Variants in MGAT4C observed in about 807,000 individuals in gnomAD.
MGAT4C encodes alpha-1,3-mannosyl-glycoprotein 4-beta-N-acetylglucosaminyltransferase C.
Under a neutral mutation model 40.1 loss-of-function variants are expected in MGAT4C, and 19 were observed. The observed-to-expected ratio is 0.47, with a 90% CI of 0.33 to 0.70. MGAT4C has a LOEUF of 0.70. Among genes scored for constraint, MGAT4C ranks in the 30% least tolerant of loss-of-function variants. The pLI, the probability that MGAT4C is intolerant of heterozygous loss-of-function variation, is 0.02. For missense variants in MGAT4C, 491 were observed against 563.2 expected (o/e 0.87, Z 1.30); for synonymous variants, 181 against 187.1 (o/e 0.97, Z 0.27).
At chr12:86,313,097 G>T (rs1052187675) in intron 4 of MGAT4C, among the ~76,000 whole-genome samples, 6 of 152,012 alleles carry the variant, frequency 3.9e-5, no homozygotes, top group Non-Finnish European at 7.4e-5. Flanking sequence ...TCAACAGTTA[G>T]CAAAAACATG....
chr12:86,121,657 G>A (rs542354584), intron 1 of MGAT4C, among the ~76,000 whole-genome samples: 2 of 152,160 alleles, frequency 1.3e-5, no homozygotes, highest in Non-Finnish European at 2.9e-5. Context: ...AGCTTCATAA[G>A]TGAAGGAGAA....
At chr12:86,405,483 A>C (rs1956446147) in intron 3 of MGAT4C, among the ~76,000 whole-genome samples, 1 of 152,026 alleles carries the variant, frequency 6.6e-6, no homozygotes, top group South Asian at 2.1e-4. Context: ...AAATAACTGA[A>C]GATCTAAAAA....
At chr12:86,460,079 T>G (rs1957574869) in intron 2 of MGAT4C, among the ~76,000 whole-genome samples, 1 of 152,022 alleles carries the variant, frequency 6.6e-6, no homozygotes, top group Admixed American at 6.6e-5. Flanking sequence ...GGCGTTGGTG[T>G]GATGGTGCCC....
chr12:86,658,088 A>T (rs1160302991), intron 2 of MGAT4C, among the ~76,000 whole-genome samples: 1 of 152,008 alleles, frequency 6.6e-6, no homozygotes. Flanking sequence ...GTTAAATGCT[A>T]TTAGGTCAAA....
chr12:86,736,913 G>A lies in MGAT4C; in HGVS notation c.-261-9672C>T, dbSNP rs1467514864. Among the ~76,000 whole-genome samples the A allele has an allele frequency of 5.4e-5, 8 of 148,776 alleles. No individual in the cohort carries two copies. The South Asian group carries it at 6.3e-4, about 12-fold the overall frequency. ...ACATAACCTTATCCCTTTCCTTCTC[G>A]TGGGCATTGCTCTAGTAATTTTCCC... On this transcript the variant is annotated intron_variant, in intron 1 of 7. Coordinates refer to the MGAT4C transcript ENST00000548651.
At chr12:86,015,942 T>G (rs146222460) in intron 2 of MGAT4C, 277 of 152,330 alleles carry the variant, frequency 1.8e-3, no homozygotes, top group African/African-American at 6.4e-3. Context: ...GCTACATTGC[T>G]TTCTCATGCA....
intron 1 of MGAT4C, among the ~76,000 whole-genome samples, chr12:86,189,180 A>G (rs140475740): frequency 2.4e-4 from 36 of 152,098 alleles, no homozygotes; most frequent in African/African-American, 8.4e-4. Flanking sequence ...CAAAGAGAAC[A>G]CTAGACTTCC....
At chr12:86,436,672 CCAAA>C (rs1230203335) in intron 2 of MGAT4C, among the ~76,000 whole-genome samples, 1 of 151,598 alleles carries the variant, frequency 6.6e-6, no homozygotes, top group African/African-American at 2.4e-5. Context: ...TCAGCTACAT[CCAAA>C]CAACGTTTTC....
chr12:86,655,968 G>T (rs989832010), intron 2 of MGAT4C, among the ~76,000 whole-genome samples: 1 of 152,022 alleles, frequency 6.6e-6, no homozygotes, highest in East Asian at 1.9e-4. Flanking sequence ...AGTTTATCTA[G>T]AATCCATACT....
intron 2 of MGAT4C, among the ~76,000 whole-genome samples, chr12:86,723,612 T>C (rs1188569161): frequency 1.3e-5 from 2 of 152,204 alleles, no homozygotes; most frequent in Non-Finnish European, 2.9e-5. Context: ...GGGCTCACTC[T>C]AGTGACCTCA....
At chr12:86,229,468 T>C (rs1003230183) in intron 1 of MGAT4C, among the ~76,000 whole-genome samples, 7 of 151,998 alleles carry the variant, frequency 4.6e-5, no homozygotes, top group Non-Finnish European at 8.8e-5. Flanking sequence ...AAAATTCAAA[T>C]TGGAAATTGG....
intron 2 of MGAT4C, among the ~76,000 whole-genome samples, chr12:86,505,010 A>G (rs2136339829): frequency 6.6e-6 from 1 of 152,340 alleles, no homozygotes; most frequent in South Asian, 2.1e-4. Context: ...ATAATTGCAC[A>G]GAAGACCTAG....
Position 86,778,163 on chromosome 12 carries a change from A to G in MGAT4C, c.-261-50922T>C, listed in dbSNP as rs111380046. Among the ~76,000 whole-genome samples, 655 of 152,306 alleles carry G rather than the reference A, an allele frequency of 4.3e-3. 3 individuals are homozygous for G. The highest frequency in any genetic ancestry group is 0.015 in the African/African-American group (628 of 41,562). Reference sequence around the variant, plus strand: ...GGATAATACTCTCGTAAGCAAGACGAAAGATAAGGATAATGTATTTAGAAC... The same window carrying G: ...GGATAATACTCTCGTAAGCAAGACGGAAGATAAGGATAATGTATTTAGAAC... On this transcript the variant is annotated intron_variant, in intron 1 of 7. Transcript: ENST00000548651.
chr12:86,076,942 G>C (rs946677717), intron 1 of MGAT4C, among the ~76,000 whole-genome samples: 13 of 152,146 alleles, frequency 8.5e-5, no homozygotes, highest in Non-Finnish European at 8.8e-5. Flanking sequence ...TCTAAGGCAG[G>C]AAGCATCCAG....
intron 1 of MGAT4C, among the ~76,000 whole-genome samples, chr12:86,764,068 C>T (rs1951454916): frequency 6.6e-6 from 1 of 152,114 alleles, no homozygotes; most frequent in African/African-American, 2.4e-5. Flanking sequence ...GGCATTGCCT[C>T]ACTCCAGAAG....
At chr12:86,508,116 G>C (rs1038391846) in intron 2 of MGAT4C, among the ~76,000 whole-genome samples, 2 of 151,972 alleles carry the variant, frequency 1.3e-5, no homozygotes, top group African/African-American at 4.8e-5. Context: ...GTGCAGGTTA[G>C]TTACATATGT....
chr12:86,534,155 GC>G (rs1290033930), intron 2 of MGAT4C, among the ~76,000 whole-genome samples: 2 of 151,976 alleles, frequency 1.3e-5, no homozygotes, highest in Non-Finnish European at 2.9e-5. Flanking sequence ...AAGAGAGTTT[GC>G]CACCGTTTTA....
At chr12:86,264,152 T>C (rs1178988824) in intron 4 of MGAT4C, among the ~76,000 whole-genome samples, 1 of 152,138 alleles carries the variant, frequency 6.6e-6, no homozygotes, top group East Asian at 1.9e-4. Context: ...TCTCTGTTGA[T>C]TGTTTCTTTT....
At chr12:86,107,275 T>C (rs570424919) in intron 1 of MGAT4C, among the ~76,000 whole-genome samples, 1 of 152,226 alleles carries the variant, frequency 6.6e-6, no homozygotes, top group East Asian at 1.9e-4. Context: ...CTTTGGTAAC[T>C]GGGGTCAAAG....
Sources: allele counts gnomAD v4.1 joint callset (sites outside exome capture counted in the v4.1 genomes callset), GRCh38; gene constraint gnomAD v4.1.1; transcripts MANE v1.5; gene names NCBI Gene and HGNC (gene_info 2026-07-23, HGNC 2026-07-21).